Variants in IRGM observed in about 807,000 individuals in gnomAD.
The protein encoded by IRGM is immunity related GTPase M.
For missense variants in IRGM, 288 were observed against 219.9 expected, an observed-to-expected ratio of 1.31 and a Z score of -1.96; for synonymous variants, 98 against 80.6, an observed-to-expected ratio of 1.22 and a Z score of -1.16.
At chr5:150,874,665 G>A (rs2113280773) in intron 1 of IRGM, among the ~76,000 whole-genome samples, 1 of 152,308 alleles carries the variant, frequency 6.6e-6, no homozygotes, top group South Asian at 2.1e-4. Flanking sequence ...GGTCCAGGCT[G>A]CTGTGCAAGC....
intron 1 of IRGM, among the ~76,000 whole-genome samples, chr5:150,860,814 T>A (rs1271782900): frequency 6.6e-6 from 1 of 152,242 alleles, no homozygotes; most frequent in Non-Finnish European, 1.5e-5. Flanking sequence ...CCTTGCTCAC[T>A]GGACTTTTTA....
chr5:150,851,190 C>G (rs1753969412), downstream of IRGM, among the ~76,000 whole-genome samples: 1 of 152,148 alleles, frequency 6.6e-6, no homozygotes, highest in African/African-American at 2.4e-5. Context: ...CCTGGAACAG[C>G]AACCTGGTGA....
chr5:150,892,393 T>C (rs1754623902), intron 3 of IRGM, among the ~76,000 whole-genome samples: 1 of 151,924 alleles, frequency 6.6e-6, no homozygotes, highest in Admixed American at 6.6e-5. Context: ...AATCAGAATA[T>C]CTGAGTTTTA....
chr5:150,898,632 A>T, intron 3 of IRGM: 1 of 1,435,756 alleles, frequency 7.0e-7, no homozygotes, highest in South Asian at 1.5e-5. Flanking sequence ...CTACATCCAC[A>T]CCTAGTTTTG....
At chr5:150,898,978 A>ATT in intron 3 of IRGM, among the ~76,000 whole-genome samples, 1 of 152,114 alleles carries the variant, frequency 6.6e-6, no homozygotes, top group Non-Finnish European at 1.5e-5. Flanking sequence ...ATACCTAGCC[A>ATT]TATGAGGTAT....
intron 3 of IRGM, chr5:150,894,346 T>C (rs552661833): frequency 2.4e-4 from 37 of 152,300 alleles, no homozygotes; most frequent in African/African-American, 7.9e-4. Flanking sequence ...GGGCAAACAG[T>C]TGGGGCTTCA....
chr5:150,896,481 G>GTATT, intron 3 of IRGM: 1 of 1,613,372 alleles, frequency 6.2e-7, no homozygotes, highest in Non-Finnish European at 8.5e-7. Context: ...AAGGGATTGT[G>GTATT]TATTTCTAAA....
In IRGM at chr5:150,847,752, C is replaced by T; in HGVS notation, c.-372C>T. On this transcript the variant is annotated 5_prime_UTR_variant, in exon 2 of 2. Coordinates refer to ENST00000522154, the MANE Select transcript of IRGM (RefSeq NM_001145805.2). ...GATACGACAGAGTGTCCCAAGTGCCCCTCACACTCTATTAGCTGCATCCTT... is the reference window on the plus strand; with the variant it reads ...GATACGACAGAGTGTCCCAAGTGCCTCTCACACTCTATTAGCTGCATCCTT... 1 of 209,994 alleles carries T rather than the reference C, an allele frequency of 4.8e-6. No homozygotes were observed. Among genetic ancestry groups the T allele is most frequent in the East Asian group, 1.2e-4 (1 of 8,686 alleles). The allele number at this position is 209,994 out of a possible 1,614,324, so 13.0% of individuals were successfully genotyped here.
At chr5:150,864,535 C>A (rs919014385) in intron 1 of IRGM, among the ~76,000 whole-genome samples, 1 of 152,160 alleles carries the variant, frequency 6.6e-6, no homozygotes, top group Non-Finnish European at 1.5e-5. Context: ...CAATTCAATC[C>A]TCTCACCTGC....
intron 1 of IRGM, among the ~76,000 whole-genome samples, chr5:150,873,368 G>A (rs370131036): frequency 9.9e-4 from 150 of 152,278 alleles, no homozygotes; most frequent in African/African-American, 3.4e-3. Context: ...ATGAAGAGGA[G>A]GCCAGGTCCC....
intron 3 of IRGM, chr5:150,896,379 T>G: frequency 6.2e-7 from 1 of 1,613,702 alleles, no homozygotes; most frequent in South Asian, 1.1e-5. Flanking sequence ...AATTCTTTGA[T>G]GTACAATGAG....
At chr5:150,872,797 C>T (rs1754304273) in intron 1 of IRGM, among the ~76,000 whole-genome samples, 1 of 152,132 alleles carries the variant, frequency 6.6e-6, no homozygotes, top group African/African-American at 2.4e-5. Context: ...GTGTAATGTA[C>T]AGGGAGGGAT....
chr5:150,896,886 T>C, intron 3 of IRGM: 4 of 1,613,572 alleles, frequency 2.5e-6, no homozygotes, highest in Non-Finnish European at 3.4e-6. Flanking sequence ...CAATGAACCA[T>C]CCCTTGTGAC....
At chr5:150,898,435 G>A in intron 3 of IRGM, 1 of 1,613,368 alleles carries the variant, frequency 6.2e-7, no homozygotes, top group Non-Finnish European at 8.5e-7. Context: ...TACCCATTGA[G>A]ACCAGGTGGC....
At chr5:150,868,881 T>G (rs1202180548) in intron 1 of IRGM, among the ~76,000 whole-genome samples, 1 of 152,138 alleles carries the variant, frequency 6.6e-6, no homozygotes, top group Non-Finnish European at 1.5e-5. Flanking sequence ...ATCTAGGAGC[T>G]TTTTGGATAA....
At chr5:150,856,229 A>C (rs1754047419) in intron 1 of IRGM, among the ~76,000 whole-genome samples, 1 of 152,072 alleles carries the variant, frequency 6.6e-6, no homozygotes, top group South Asian at 2.1e-4. Context: ...TCAGAAGATC[A>C]AGACAATCCT....
At chr5:150,881,127 CAA>C (rs34104883) in intron 3 of IRGM, among the ~76,000 whole-genome samples, 30,536 of 134,504 alleles carry the variant, frequency 0.23, 4,968 homozygotes, top group African/African-American at 0.46. Flanking sequence ...AACTCCATAT[CAA>C]AAAAAAAAAA....
At chr5:150,854,349 A>G (rs1754018333) in intron 1 of IRGM, among the ~76,000 whole-genome samples, 1 of 152,120 alleles carries the variant, frequency 6.6e-6, no homozygotes, top group Admixed American at 6.5e-5. Flanking sequence ...ACAAGCCAAA[A>G]TTATATAAAA....
At chr5:150,853,330 G>T (rs1291754731), downstream of IRGM, among the ~76,000 whole-genome samples, 1 of 152,040 alleles carries the variant, frequency 6.6e-6, no homozygotes, top group Non-Finnish European at 1.5e-5. Flanking sequence ...ATTAACACTT[G>T]TTTTGTGGCC....
Sources: allele counts gnomAD v4.1 joint callset (sites outside exome capture counted in the v4.1 genomes callset), GRCh38; gene constraint gnomAD v4.1.1; transcripts MANE v1.5; gene names NCBI Gene and HGNC (gene_info 2026-07-23, HGNC 2026-07-21).